Variants in GRIN2A observed in about 807,000 individuals in gnomAD.
GRIN2A encodes glutamate ionotropic receptor NMDA type subunit 2A, also known as glutamate receptor ionotropic, NMDA 2A.
In GRIN2A, 22 loss-of-function variants were observed where a neutral mutation model predicts 113.4. The ratio of observed to expected loss-of-function variants is 0.19; its 90% CI spans 0.14 to 0.28. The LOEUF (loss-of-function observed/expected upper bound fraction) is 0.28, where lower values mean the gene tolerates loss of function less well. Among genes scored for constraint, GRIN2A ranks in the 10% least tolerant of loss-of-function variants. GRIN2A has a pLI of 1.00. For synonymous variants in GRIN2A, 827 were observed against 738.4 expected, an observed-to-expected ratio of 1.12 and a Z score of -1.94; for missense variants, 1,502 against 1,887.0, an observed-to-expected ratio of 0.80 and a Z score of 3.78.
intron 2 of GRIN2A, among the ~76,000 whole-genome samples, chr16:9,943,937 G>A (rs1000531431): frequency 2.6e-5 from 4 of 152,196 alleles, no homozygotes; most frequent in African/African-American, 9.7e-5. Flanking sequence ...GTATGGTTGA[G>A]AAGTAGGTAT....
intron 2 of GRIN2A, among the ~76,000 whole-genome samples, chr16:10,016,180 T>C (rs1202878533): frequency 7.0e-6 from 1 of 142,100 alleles, no homozygotes; most frequent in Non-Finnish European, 1.5e-5. Flanking sequence ...CCCAGGGTAA[T>C]GTAAGAGGCG....
At chr16:9,976,812 G>A (rs962504530) in intron 2 of GRIN2A, among the ~76,000 whole-genome samples, 6 of 152,164 alleles carry the variant, frequency 3.9e-5, no homozygotes, top group African/African-American at 1.4e-4. Context: ...CCCTCCGAGG[G>A]AAGCCACTAT....
chr16:9,860,804 G>A lies in GRIN2A; in HGVS notation c.1123-10843C>T, dbSNP rs980186850. On this transcript the variant is annotated intron_variant, in intron 4 of 12. Transcript: ENST00000330684. Reference sequence around the variant, plus strand: ...GGGGAATGAGGGCCCAGTTTGCCTCGAATTATGGTTTTGTAGAGTGTCATG... The same window carrying A: ...GGGGAATGAGGGCCCAGTTTGCCTCAAATTATGGTTTTGTAGAGTGTCATG... 4.1e-4 allele frequency among the ~76,000 whole-genome samples: 63 copies of A among 152,044 alleles called. 2 individuals carry two copies. The highest frequency in any genetic ancestry group is 3.3e-4 in the Admixed American group (5 of 15,256).
intron 4 of GRIN2A, among the ~76,000 whole-genome samples, chr16:9,882,974 T>C (rs1219355747): frequency 6.6e-6 from 1 of 152,106 alleles, no homozygotes; most frequent in African/African-American, 2.4e-5. Context: ...TGCCAGTTGT[T>C]CCACATGATG....
chr16:9,828,524 G>A (rs945079755), intron 9 of GRIN2A, among the ~76,000 whole-genome samples: 3 of 152,144 alleles, frequency 2.0e-5, no homozygotes, highest in Admixed American at 6.5e-5. Context: ...GTTTTATAAC[G>A]AGAGACAAAT....
intron 2 of GRIN2A, among the ~76,000 whole-genome samples, chr16:10,018,281 T>A (rs1423411736): frequency 1.3e-5 from 2 of 151,940 alleles, no homozygotes; most frequent in African/African-American, 2.4e-5. Context: ...GAAACAGTGG[T>A]GGGTGTTATA....
intron 5 of GRIN2A, among the ~76,000 whole-genome samples, chr16:9,848,800 CTG>C (rs1221797735): frequency 2.1e-5 from 2 of 95,240 alleles, no homozygotes; most frequent in African/African-American, 5.3e-5. Context: ...ATAAAATACA[CTG>C]TTTTATATAT....
rs1900453767 is a variant in GRIN2A, at chr16:9,758,628, A to G, written c.*4521T>C. ...TGTAGAAATCAAGCATGTATATTAT[A>G]TACATGTGTACACAAGCAGTTGTAT... is the stretch of plus-strand genomic sequence containing the variant. On this transcript the variant is annotated 3_prime_UTR_variant, in exon 13 of 13. Coordinates refer to ENST00000330684, the MANE Select transcript of GRIN2A (RefSeq NM_001134407.3). 2 of 212,054 alleles carry G rather than the reference A, an allele frequency of 9.4e-6. No homozygotes were observed. The highest frequency in any genetic ancestry group is 4.5e-5 in the African/African-American group (2 of 44,232). 13.1% of individuals were successfully genotyped at this position (212,054 alleles called of 1,614,324 possible). A position where few individuals can be genotyped will look rare whatever the true frequency, so the allele number is the denominator to read the frequency against.
intron 11 of GRIN2A, among the ~76,000 whole-genome samples, chr16:9,776,540 G>T (rs555459070): frequency 3.9e-5 from 6 of 152,098 alleles, no homozygotes; most frequent in Non-Finnish European, 1.5e-5. Flanking sequence ...CCCAGGCAAA[G>T]GGGTGAGGAA....
chr16:9,936,685 C>T (rs2044720921), intron 3 of GRIN2A, among the ~76,000 whole-genome samples: 1 of 152,196 alleles, frequency 6.6e-6, no homozygotes. Flanking sequence ...AATTATGATA[C>T]ATTCACATAA....
intron 3 of GRIN2A, among the ~76,000 whole-genome samples, chr16:9,918,111 G>A (rs1294871597): frequency 1.3e-5 from 2 of 152,166 alleles, no homozygotes; most frequent in Non-Finnish European, 2.9e-5. Flanking sequence ...CCCCCACTGT[G>A]AGTGGGGACC....
chr16:9,805,469 T>C (rs1269178583), intron 10 of GRIN2A: 2 of 152,076 alleles, frequency 1.3e-5, no homozygotes, highest in Admixed American at 1.3e-4. Flanking sequence ...ACTGAATATA[T>C]TTTTTTCAGA....
intron 2 of GRIN2A, among the ~76,000 whole-genome samples, chr16:10,133,766 G>A (rs185816908): frequency 2.6e-5 from 4 of 152,204 alleles, no homozygotes; most frequent in Non-Finnish European, 4.4e-5. Context: ...ACTAGAAAAC[G>A]GATTATCTGC....
chr16:9,768,446 G>T (rs1901053348), intron 12 of GRIN2A, among the ~76,000 whole-genome samples: 1 of 152,184 alleles, frequency 6.6e-6, no homozygotes, highest in African/African-American at 2.4e-5. Context: ...AAAACTAGAA[G>T]ACCTGATAAT....
At chr16:10,048,482 C>T (rs923213654) in intron 2 of GRIN2A, among the ~76,000 whole-genome samples, 5 of 152,200 alleles carry the variant, frequency 3.3e-5, no homozygotes, top group Admixed American at 1.3e-4. Context: ...TAATTCCAGA[C>T]TTTGTTAGTG....
chr16:9,989,819 C>G (rs1487323895), intron 2 of GRIN2A, among the ~76,000 whole-genome samples: 1 of 152,056 alleles, frequency 6.6e-6, no homozygotes, highest in Non-Finnish European at 1.5e-5. Flanking sequence ...AAAAGCAAAT[C>G]AAAACTACAG....
At chr16:10,097,918 C>G (rs2048325050) in intron 2 of GRIN2A, among the ~76,000 whole-genome samples, 1 of 152,032 alleles carries the variant, frequency 6.6e-6, no homozygotes, top group Admixed American at 6.6e-5. Flanking sequence ...AAAGCAAATG[C>G]AACAAAAACA....
chr16:10,175,490 G>A (rs986656814), intron 2 of GRIN2A, among the ~76,000 whole-genome samples: 1 of 152,202 alleles, frequency 6.6e-6, no homozygotes, highest in Non-Finnish European at 1.5e-5. Flanking sequence ...TTTACCCATG[G>A]TGATAGGATT....
rs986143460 is a variant in GRIN2A, at chr16:9,885,998, T to A, written c.1122+4988A>T. ...GCATCTTCTGTATCTGGAAATGGAG[T>A]GTATCAAGGGCAGCTGTCACCTGCA... On this transcript the variant is annotated intron_variant, in intron 4 of 12. Transcript: ENST00000330684. Among the ~76,000 whole-genome samples, 9 of 152,244 alleles carry A rather than the reference T, an allele frequency of 5.9e-5. No individual in the cohort carries two copies. The East Asian group carries it at 1.7e-3, about 29-fold the overall frequency.
Sources: gnomAD v4.1 joint callset for allele counts (sites outside exome capture counted in the v4.1 genomes callset) on GRCh38, gnomAD v4.1.1 for gene constraint, MANE v1.5 for transcripts, NCBI Gene and HGNC (gene_info 2026-07-23, HGNC 2026-07-21) for gene names.